The following SCARA3 variants were observed in gnomAD, a reference collection of about 807,000 sequenced individuals.
The protein encoded by SCARA3 is cellular stress response gene protein.
In SCARA3, 39 loss-of-function variants were observed where a neutral mutation model predicts 47.0. The observed-to-expected ratio is 0.83, with a 90% CI of 0.64 to 1.08. The LOEUF is 1.08. Among genes scored for constraint, SCARA3 ranks in the 50% least tolerant of loss-of-function variants. The probability of loss-of-function intolerance (pLI) is 0.00; values close to 1 mark genes in which losing one functional copy is unlikely to be tolerated. For synonymous variants in SCARA3, 356 were observed against 334.1 expected (o/e 1.07, Z -0.71); for missense variants, 724 against 792.3 (o/e 0.91, Z 1.04).
At chr8:27,721,993 G>A in the SCARA3 span, among the ~76,000 whole-genome samples, 1 of 152,224 alleles carries the variant, frequency 6.6e-6, no homozygotes, top group Admixed American at 6.5e-5. Context: ...AGAAGCTGAA[G>A]TAGGAGGATT....
At chr8:27,693,094 C>T in the SCARA3 span, among the ~76,000 whole-genome samples, 1 of 148,354 alleles carries the variant, frequency 6.7e-6, no homozygotes, top group Non-Finnish European at 1.5e-5. Context: ...CACTGCACTC[C>T]AGCCTGGGGA....
At chr8:27,667,230 C>A (rs1802035037) in intron 5 of SCARA3, among the ~76,000 whole-genome samples, 1 of 152,208 alleles carries the variant, frequency 6.6e-6, no homozygotes, top group South Asian at 2.1e-4. Context: ...CCTCCCTAGC[C>A]AGACCAGGTC....
chr8:27,696,725 AAGGTGCTGAGATTAT>A, the SCARA3 span, among the ~76,000 whole-genome samples: 26,573 of 150,582 alleles, frequency 0.18, 2,890 homozygotes, highest in Middle Eastern at 0.34. Flanking sequence ...TCAGCCTCCC[AAGGTGCTGAGATTAT>A]AGGCCCTTTT....
downstream of SCARA3, among the ~76,000 whole-genome samples, chr8:27,679,389 G>A (rs1802325794): frequency 6.6e-6 from 1 of 152,152 alleles, no homozygotes; most frequent in Non-Finnish European, 1.5e-5. Flanking sequence ...GTAGCACAAT[G>A]GAAGGGAAGT....
chr8:27,729,094 A>G, the SCARA3 span, among the ~76,000 whole-genome samples: 1 of 152,330 alleles, frequency 6.6e-6, no homozygotes, highest in Non-Finnish European at 1.5e-5. Context: ...TGTATTGGAA[A>G]GTGATCAGGA....
the SCARA3 span, among the ~76,000 whole-genome samples, chr8:27,715,558 G>A: frequency 1.5e-5 from 2 of 135,596 alleles, no homozygotes; most frequent in Non-Finnish European, 3.1e-5. The surrounding 1 kb of genome is among the most constrained non-coding windows in gnomAD (Gnocchi z 4.2). Context: ...ATGCTGGGAA[G>A]CCCAGCCTTC....
At chr8:27,716,216 G>A in the SCARA3 span, among the ~76,000 whole-genome samples, 1 of 152,162 alleles carries the variant, frequency 6.6e-6, no homozygotes, top group Non-Finnish European at 1.5e-5. Context: ...GGGAGGCTGA[G>A]GCGGGAGGAT....
At chr8:27,719,028 C>G in the SCARA3 span, among the ~76,000 whole-genome samples, 8,339 of 152,274 alleles carry the variant, frequency 0.055, 324 homozygotes, top group Non-Finnish European at 0.084. Context: ...GCTACTCTGC[C>G]TGCAAGAAGA....
intron 5 of SCARA3, among the ~76,000 whole-genome samples, chr8:27,670,477 AC>A: frequency 6.6e-6 from 1 of 152,176 alleles, no homozygotes; most frequent in Non-Finnish European, 1.5e-5. Flanking sequence ...CTCATGCCCC[AC>A]TTTCTTAGTT....
Position 27,671,584 on chromosome 8 carries a change from A to T in SCARA3, c.*233A>T. On this transcript the variant is annotated 3_prime_UTR_variant, in exon 6 of 6. Transcript: ENST00000301904. ...CACACATGCATGCACACACATGCAC[A>T]CATACACGCACATGCACACATACAC... is the stretch of plus-strand genomic sequence containing the variant. The T allele has an allele frequency of 8.0e-7, 1 of 1,255,428 alleles. No individual in the cohort carries two copies. 77.8% of individuals were successfully genotyped at this position (1,255,428 alleles called of 1,614,324 possible).
rs1316451443 is a variant in SCARA3, at chr8:27,671,656, ACG to A, written c.*307_*308del. The A allele has an allele frequency of 1.9e-5, 21 of 1,099,904 alleles. No homozygotes were observed. The highest frequency in any genetic ancestry group is 9.1e-5 in the South Asian group (2 of 22,062). 68.1% of individuals were successfully genotyped at this position (1,099,904 alleles called of 1,614,324 possible). On this transcript the variant is annotated 3_prime_UTR_variant, in exon 6 of 6. Coordinates refer to ENST00000301904, the MANE Select transcript of SCARA3 (RefSeq NM_016240.3). ...CATACATGCATGCACACACACATGCACGCACACACACATGCACACATACACGT... is the reference window on the plus strand; with the variant it reads ...CATACATGCATGCACACACACATGCACACACACACATGCACACATACACGT...
At chr8:27,656,665 G>C (rs1001901083) in intron 3 of SCARA3, 117 bp from the exon 4 acceptor site, 1 of 699,888 alleles carries the variant, frequency 1.4e-6, no homozygotes, top group African/African-American at 1.8e-5. Flanking sequence ...AAGCCTGAGA[G>C]AAGAAGGGTG....
At position 27,658,705 on chromosome 8, in the gene SCARA3, C is replaced by G; in HGVS notation, c.535C>G (p.His179Asp). Residue 179 changes from histidine (H) to aspartate (D), a missense_variant, in exon 5 of 6, where the codon CAC (histidine) becomes GAC (aspartate). His to Asp is a moderately conservative substitution (Grantham distance 81, BLOSUM62 -1). Transcript: ENST00000301904. ...GATGGGCAGTTGCTCCTTCTCCATC[C>G]ACCAGGTTAACCAGTCTCTGGGGCT... Reference protein sequence around the residue: ...QEMGSCSFSIHQVNQSLGLFL... With the variant: ...QEMGSCSFSIDQVNQSLGLFL... 6.2e-7 allele frequency: 1 copy of G among 1,614,082 alleles called. No individual in the cohort carries two copies. Among genetic ancestry groups the G allele is most frequent in the African/African-American group, 1.3e-5 (1 of 75,054 alleles).
At chr8:27,732,236 G>GT in the SCARA3 span, among the ~76,000 whole-genome samples, 140 of 151,188 alleles carry the variant, frequency 9.3e-4, 2 homozygotes, top group Middle Eastern at 0.01. Flanking sequence ...AATTCCTTGT[G>GT]TTTTTTTTTC....
chr8:27,646,592 A>G (rs1801497878), intron 1 of SCARA3, among the ~76,000 whole-genome samples: 1 of 152,150 alleles, frequency 6.6e-6, no homozygotes, highest in African/African-American at 2.4e-5. Flanking sequence ...CTCTGCTCTA[A>G]GGGTTGGAAG....
Position 27,659,272 on chromosome 8 carries a change from G to A in SCARA3, c.1102G>A (p.Asp368Asn), listed in dbSNP as rs746562855. 1.1e-5 allele frequency: 18 copies of A among 1,614,028 alleles called. No individual in the cohort carries two copies. Among genetic ancestry groups the A allele is most frequent in the Admixed American group, 1.7e-5 (1 of 59,990 alleles). The change falls in exon 5 of 6, where the codon GAC (aspartate) becomes AAC (asparagine). Residue 368 changes from aspartate to asparagine, a missense_variant. By Grantham distance (23) the Asp-to-Asn change is conservative. Transcript: ENST00000301904. ...GTIFTNINAT[D>N]NHVHSMLKYL... The stretch of plus-strand genomic sequence containing the variant: ...CATCTTCACCAACATCAATGCCACC[G>A]ACAACCACGTGCACAGCATGCTCAA...
chr8:27,646,240 A>G lies in SCARA3; in HGVS notation c.8-3462A>G, dbSNP rs550904212. On this transcript the variant is annotated intron_variant, in intron 1 of 5. Coordinates refer to ENST00000301904, the MANE Select transcript of SCARA3 (RefSeq NM_016240.3). ...GGTCCCCCTAGTCTAGAGAGATCCA[A>G]GATCTTCGCTGGCAGCCGCCACTTC... Among the ~76,000 whole-genome samples the G allele has an allele frequency of 1.1e-4, 16 of 152,258 alleles. No individual in the cohort carries two copies. In the South Asian group the frequency reaches 3.1e-3, roughly 30 times the overall value.
At chr8:27,674,101 T>G (rs1802224349), downstream of SCARA3, among the ~76,000 whole-genome samples, 1 of 152,170 alleles carries the variant, frequency 6.6e-6, no homozygotes, top group Admixed American at 6.5e-5. Context: ...CCAATCCTGT[T>G]CCCTGTCGTA....
At chr8:27,650,122 A>G (rs1336318122) in intron 2 of SCARA3, among the ~76,000 whole-genome samples, 2 of 152,148 alleles carry the variant, frequency 1.3e-5, no homozygotes. Flanking sequence ...CTTCCCAAGT[A>G]GCTGTGACTG....
Sources: allele counts gnomAD v4.1 joint callset (sites outside exome capture counted in the v4.1 genomes callset), GRCh38; gene constraint gnomAD v4.1.1; non-coding constraint Gnocchi (gnomAD v3.1); transcripts MANE v1.5; gene names NCBI Gene and HGNC (gene_info 2026-07-23, HGNC 2026-07-21).